The following ERBB4 variants were observed in gnomAD, a reference collection of about 807,000 sequenced individuals.
ERBB4 encodes erb-b2 receptor tyrosine kinase 4.
A neutral mutation model predicts 158.0 loss-of-function variants in ERBB4; 42 were observed. The ratio of observed to expected loss-of-function variants is 0.27; its 90% CI spans 0.21 to 0.34. ERBB4 has a LOEUF of 0.34. Ranked by LOEUF, ERBB4 falls within the 10% of genes least tolerant of loss-of-function variation. The probability of loss-of-function intolerance (pLI) is 1.00; values close to 1 mark genes in which losing one functional copy is unlikely to be tolerated. For missense variants in ERBB4, 1,333 were observed against 1,624.1 expected, an observed-to-expected ratio of 0.82 and a Z score of 3.08; for synonymous variants, 583 against 558.7, an observed-to-expected ratio of 1.04 and a Z score of -0.61.
chr2:212,324,455 C>G (rs995765447), intron 1 of ERBB4, among the ~76,000 whole-genome samples: 63 of 142,540 alleles, frequency 4.4e-4, no homozygotes, highest in Admixed American at 4.3e-3. Context: ...AAACCATGAA[C>G]AGCTTAGGAG....
chr2:212,413,268 G>A (rs1213227954), intron 1 of ERBB4, among the ~76,000 whole-genome samples: 1 of 151,040 alleles, frequency 6.6e-6, no homozygotes, highest in African/African-American at 2.4e-5. Context: ...TTACAGGCAC[G>A]AGCCACCCCG....
intron 11 of ERBB4, 44 bp downstream of exon 11, chr2:211,704,060 T>A: frequency 9.3e-7 from 1 of 1,079,904 alleles, no homozygotes; most frequent in African/African-American, 1.5e-5. Context: ...ACAATGCTCC[T>A]CTTGAAATCT....
At chr2:211,422,189 G>C in intron 23 of ERBB4, 85 bp from the exon 24 acceptor site, 1 of 762,474 alleles carries the variant, frequency 1.3e-6, no homozygotes, top group Non-Finnish European at 2.2e-6. Flanking sequence ...ATGAGCAAAA[G>C]TTTGAAAAAT....
intron 1 of ERBB4, among the ~76,000 whole-genome samples, chr2:212,127,670 G>C (rs531689837): frequency 1.3e-5 from 2 of 152,138 alleles, no homozygotes; most frequent in Admixed American, 1.3e-4. Flanking sequence ...TGCAACCCAA[G>C]ACAATTCTTT....
chr2:211,882,238 T>C (rs762776281), intron 3 of ERBB4, among the ~76,000 whole-genome samples: 5 of 152,160 alleles, frequency 3.3e-5, no homozygotes, highest in African/African-American at 4.8e-5. Flanking sequence ...TATTCTCCAG[T>C]TAATAATGTG....
intron 3 of ERBB4, among the ~76,000 whole-genome samples, chr2:211,914,774 A>C (rs2079641672): frequency 6.6e-6 from 1 of 152,278 alleles, no homozygotes; most frequent in East Asian, 1.9e-4. Flanking sequence ...TTGAAAGATA[A>C]ATTTAATTTC....
chr2:212,313,415 T>C (rs567945962), intron 1 of ERBB4, among the ~76,000 whole-genome samples: 3 of 150,934 alleles, frequency 2.0e-5, no homozygotes, highest in Non-Finnish European at 3.0e-5. Flanking sequence ...ATATATTTTA[T>C]ATATCTCAGA....
chr2:212,010,958 T>G (rs2076371996), intron 2 of ERBB4, among the ~76,000 whole-genome samples: 1 of 152,184 alleles, frequency 6.6e-6, no homozygotes, highest in African/African-American at 2.4e-5. Flanking sequence ...AAAATATGGC[T>G]CTTTTTGCCC....
At chr2:212,190,536 CAA>C (rs11362884) in intron 1 of ERBB4, among the ~76,000 whole-genome samples, 475 of 129,060 alleles carry the variant, frequency 3.7e-3, no homozygotes, top group East Asian at 8.3e-3. Context: ...GACTCCGTCT[CAA>C]AAAAAAAAAA....
At chr2:212,315,083 T>A (rs796077468) in intron 1 of ERBB4, among the ~76,000 whole-genome samples, 20 of 151,496 alleles carry the variant, frequency 1.3e-4, no homozygotes, top group African/African-American at 4.8e-4. Flanking sequence ...AGATAAGTTT[T>A]AAGTACTGTA....
At chr2:211,445,371 C>T (rs2064085017) in intron 20 of ERBB4, among the ~76,000 whole-genome samples, 1 of 152,036 alleles carries the variant, frequency 6.6e-6, no homozygotes, top group Non-Finnish European at 1.5e-5. Flanking sequence ...GGGACCTTAC[C>T]AATGAGGTTA....
At chr2:211,922,783 A>T (rs2125080819) in intron 3 of ERBB4, among the ~76,000 whole-genome samples, 1 of 152,260 alleles carries the variant, frequency 6.6e-6, no homozygotes, top group Non-Finnish European at 1.5e-5. Context: ...AGAGGATATA[A>T]CCTTTAAACT....
At chr2:211,978,489 G>T (rs1174247998) in intron 2 of ERBB4, among the ~76,000 whole-genome samples, 2 of 151,870 alleles carry the variant, frequency 1.3e-5, no homozygotes, top group Non-Finnish European at 2.9e-5. Context: ...GAGTGCAGAG[G>T]CTTGATCATC....
chr2:212,243,104 T>G (rs1239178900), intron 1 of ERBB4, among the ~76,000 whole-genome samples: 10 of 152,184 alleles, frequency 6.6e-5, no homozygotes, highest in Admixed American at 6.6e-4. Flanking sequence ...CATTTTCTTG[T>G]AATACTAATG....
chr2:212,440,466 C>T (rs551591897), intron 1 of ERBB4, among the ~76,000 whole-genome samples: 3 of 152,202 alleles, frequency 2.0e-5, no homozygotes, highest in African/African-American at 4.8e-5. Flanking sequence ...TGTTGTGGGA[C>T]CTTGTGATTG....
At chr2:212,191,597 ATGTGTTATGCCTGTTATATATAACACATG>A in intron 1 of ERBB4, among the ~76,000 whole-genome samples, 1 of 109,134 alleles carries the variant, frequency 9.2e-6, no homozygotes, top group Admixed American at 9.3e-5. Context: ...TATATAACAC[ATGTGTTATGCCTGTTATATATAACACATG>A]TGTTATGCAT....
At chr2:211,666,308 A>G (rs2071626545) in intron 14 of ERBB4, among the ~76,000 whole-genome samples, 1 of 152,162 alleles carries the variant, frequency 6.6e-6, no homozygotes, top group African/African-American at 2.4e-5. Flanking sequence ...AGGCTTCATG[A>G]AGAAACTTAT....
chr2:212,356,934 A>C (rs2089483799), intron 1 of ERBB4, among the ~76,000 whole-genome samples: 1 of 151,978 alleles, frequency 6.6e-6, no homozygotes, highest in South Asian at 2.1e-4. Context: ...GATCATATCA[A>C]TCAAACATAA....
chr2:212,378,347 TA>T (rs1459526837), intron 1 of ERBB4, among the ~76,000 whole-genome samples: 1 of 151,852 alleles, frequency 6.6e-6, no homozygotes, highest in Non-Finnish European at 1.5e-5. Flanking sequence ...GTTGATAAGG[TA>T]AAGAGCCCTG....
Sources: allele counts gnomAD v4.1 joint callset (sites outside exome capture counted in the v4.1 genomes callset), GRCh38; gene constraint gnomAD v4.1.1; transcripts MANE v1.5; gene names NCBI Gene and HGNC (gene_info 2026-07-23, HGNC 2026-07-21).